Variants in MTNR1A observed in about 807,000 individuals in gnomAD.
The protein encoded by MTNR1A is melatonin receptor 1A, also known as melatonin receptor type 1A.
MTNR1A carries 7 observed loss-of-function variants against 5.5 expected under a neutral mutation model. That is an observed-to-expected ratio of 1.28 (90% confidence interval 0.73 to 2.40). The LOEUF is 2.40. Ranked by LOEUF, MTNR1A falls within the 30% of genes most tolerant of loss-of-function variation. The probability of loss-of-function intolerance (pLI) is 0.00; values close to 1 mark genes in which losing one functional copy is unlikely to be tolerated. For missense variants in MTNR1A, 441 were observed against 464.4 expected, an observed-to-expected ratio of 0.95 and a Z score of 0.46; for synonymous variants, 196 against 202.7, an observed-to-expected ratio of 0.97 and a Z score of 0.28.
chr4:186,547,620 A>G lies in MTNR1A; in HGVS notation c.184+7562T>C, dbSNP rs573700254. ...TCCTGGCTCATTCCTCTCTCTCTCT[A>G]TCCCACTCTGTCTCTAGTTCCCCAC... On this transcript the variant is annotated intron_variant, in intron 1 of 1. Transcript: ENST00000307161. 2.2e-4 allele frequency among the ~76,000 whole-genome samples: 33 copies of G among 152,028 alleles called. 1 individual carries two copies. The highest frequency in any genetic ancestry group is 6.8e-4 in the African/African-American group (28 of 41,440).
At chr4:186,554,150 T>C (rs1012072340) in intron 1 of MTNR1A, among the ~76,000 whole-genome samples, 14 of 152,076 alleles carry the variant, frequency 9.2e-5, no homozygotes, top group African/African-American at 3.4e-4. Context: ...GCTTATTCAA[T>C]TTACTGACTC....
chr4:186,539,324 C>A (rs2111372198), intron 1 of MTNR1A, among the ~76,000 whole-genome samples: 1 of 151,556 alleles, frequency 6.6e-6, no homozygotes, highest in Non-Finnish European at 1.5e-5. Context: ...ACCAACCATA[C>A]AAAGGGTTGG....
chr4:186,543,916 T>C lies in MTNR1A; in HGVS notation c.185-9359A>G, dbSNP rs554728214. ...TTAGCTAAATTGGAACTATGCTCCCTAGAATTCTGTTTTCTGCATAATTAT... is the reference window on the plus strand; with the variant it reads ...TTAGCTAAATTGGAACTATGCTCCCCAGAATTCTGTTTTCTGCATAATTAT... On this transcript the variant is annotated intron_variant, in intron 1 of 1. Transcript: ENST00000307161. 4.6e-5 allele frequency among the ~76,000 whole-genome samples: 7 copies of C among 152,342 alleles called. No individual in the cohort carries two copies. The East Asian group carries it at 1.3e-3, about 29-fold the overall frequency.
intron 1 of MTNR1A, among the ~76,000 whole-genome samples, chr4:186,534,816 G>A (rs539096250): frequency 8.5e-5 from 13 of 152,222 alleles, no homozygotes; most frequent in Admixed American, 4.6e-4. Flanking sequence ...CTTTCAAACC[G>A]TTCGGCTTCT....
intron 1 of MTNR1A, among the ~76,000 whole-genome samples, chr4:186,537,747 C>T (rs1736893381): frequency 6.6e-6 from 1 of 152,240 alleles, no homozygotes; most frequent in African/African-American, 2.4e-5. Context: ...CCTGAGAAAG[C>T]TCCTGTGCTC....
chr4:186,552,666 T>A (rs1417154774), intron 1 of MTNR1A, among the ~76,000 whole-genome samples: 1 of 152,328 alleles, frequency 6.6e-6, no homozygotes, highest in East Asian at 1.9e-4. Flanking sequence ...AACACTCTTA[T>A]GAGGCTAAGC....
At chr4:186,536,974 T>A (rs1183785770) in intron 1 of MTNR1A, among the ~76,000 whole-genome samples, 1 of 152,220 alleles carries the variant, frequency 6.6e-6, no homozygotes, top group Non-Finnish European at 1.5e-5. Flanking sequence ...AGTGTCATGA[T>A]GACAAACTGG....
At chr4:186,547,714 T>C (rs2111383895) in intron 1 of MTNR1A, among the ~76,000 whole-genome samples, 1 of 152,332 alleles carries the variant, frequency 6.6e-6, no homozygotes, top group Non-Finnish European at 1.5e-5. Flanking sequence ...TGCTTTCTAT[T>C]ATACACGGTA....
At chr4:186,535,279 G>T (rs548051492) in intron 1 of MTNR1A, among the ~76,000 whole-genome samples, 2 of 151,726 alleles carry the variant, frequency 1.3e-5, no homozygotes, top group South Asian at 2.1e-4. Context: ...TGAACCAAAG[G>T]AAAATGCAGA....
chr4:186,544,860 C>A (rs994585474), intron 1 of MTNR1A, among the ~76,000 whole-genome samples: 1 of 152,180 alleles, frequency 6.6e-6, no homozygotes, highest in Admixed American at 6.5e-5. Flanking sequence ...GTTCTGGGAG[C>A]CTTCATTTGG....
At chr4:186,550,528 A>G (rs989980830) in intron 1 of MTNR1A, among the ~76,000 whole-genome samples, 2 of 152,194 alleles carry the variant, frequency 1.3e-5, no homozygotes, top group Non-Finnish European at 2.9e-5. Flanking sequence ...GACTCTGTGG[A>G]GATTTAAAGT....
chr4:186,551,765 G>A (rs62350397), intron 1 of MTNR1A, among the ~76,000 whole-genome samples: 7,972 of 152,110 alleles, frequency 0.052, 262 homozygotes, highest in African/African-American at 0.082. Context: ...CATTCACTCC[G>A]TACTCTATGC....
chr4:186,548,810 G>GATATATATATATATATAT (rs71595106), intron 1 of MTNR1A, among the ~76,000 whole-genome samples: 3 of 54,596 alleles, frequency 5.5e-5, no homozygotes, highest in African/African-American at 1.3e-4. Flanking sequence ...AATCTATAAA[G>GATATATATATATATATAT]ATATATATAT....
At chr4:186,543,882 T>C (rs1737080672) in intron 1 of MTNR1A, among the ~76,000 whole-genome samples, 1 of 152,242 alleles carries the variant, frequency 6.6e-6, no homozygotes, top group African/African-American at 2.4e-5. Flanking sequence ...GAATTAGTAT[T>C]GTGTCAACTT....
chr4:186,539,929 C>T (rs1425638388), intron 1 of MTNR1A, among the ~76,000 whole-genome samples: 2 of 152,198 alleles, frequency 1.3e-5, no homozygotes, highest in East Asian at 3.9e-4. Flanking sequence ...TTAGTCCATT[C>T]TCATGCTGCT....
chr4:186,540,552 G>A (rs2165666), intron 1 of MTNR1A, among the ~76,000 whole-genome samples: 91,019 of 152,134 alleles, frequency 0.6, 29,161 homozygotes, highest in Non-Finnish European at 0.73. Context: ...ACTTGGCCTT[G>A]GTAGAGTCTG....
chr4:186,543,370 C>A (rs1401108315), intron 1 of MTNR1A, among the ~76,000 whole-genome samples: 1 of 152,186 alleles, frequency 6.6e-6, no homozygotes, highest in Non-Finnish European at 1.5e-5. Flanking sequence ...GCCAGTGTCC[C>A]AGAGTGTTAG....
rs1204290261 is a variant in MTNR1A, at chr4:186,534,201, G to A, written c.541C>T (p.Gln181Ter). ...ATGGTGTAGGCGGAGCTGACGGACT[G>A]GGCGAAGGTGCACGAGTAGATCCTC... Reference protein sequence around the residue: ...DPRIYSCTFAQSVSSAYTIAV... With the variant: ...DPRIYSCTFA Residue 181 changes from glutamine (Q) to a stop codon, truncating the protein, a stop_gained, in exon 2 of 2, where the codon CAG becomes TAG. Transcript: ENST00000307161. LOFTEE classifies it low-confidence loss of function (END_TRUNC). The A allele has an allele frequency of 1.2e-6, 2 of 1,613,908 alleles. No homozygotes were observed. Among genetic ancestry groups the A allele is most frequent in the East Asian group, 2.2e-5 (1 of 44,862 alleles).
At chr4:186,545,134 C>T (rs1737113719) in intron 1 of MTNR1A, among the ~76,000 whole-genome samples, 1 of 152,154 alleles carries the variant, frequency 6.6e-6, no homozygotes, top group African/African-American at 2.4e-5. Flanking sequence ...GAGTACCAAG[C>T]CTCTGTCTCA....
Sources: gnomAD v4.1 joint callset for allele counts (sites outside exome capture counted in the v4.1 genomes callset) on GRCh38, gnomAD v4.1.1 for gene constraint, MANE v1.5 for transcripts, NCBI Gene and HGNC (gene_info 2026-07-23, HGNC 2026-07-21) for gene names.